The following TRAPPC9 variants were observed in gnomAD, a reference collection of about 807,000 sequenced individuals.
TRAPPC9 encodes IKK2 binding protein.
A neutral mutation model predicts 124.0 loss-of-function variants in TRAPPC9; 83 were observed. The observed-to-expected ratio is 0.67, with a 90% CI of 0.56 to 0.80. The LOEUF (loss-of-function observed/expected upper bound fraction) is 0.80, where lower values mean the gene tolerates loss of function less well. Among genes scored for constraint, TRAPPC9 ranks in the 30% least tolerant of loss-of-function variants. The probability of loss-of-function intolerance (pLI) is 0.00; values close to 1 mark genes in which losing one functional copy is unlikely to be tolerated. For missense variants in TRAPPC9, 1,302 were observed against 1,508.3 expected, an observed-to-expected ratio of 0.86 and a Z score of 2.27; for synonymous variants, 638 against 617.5, an observed-to-expected ratio of 1.03 and a Z score of -0.49.
intron 17 of TRAPPC9, among the ~76,000 whole-genome samples, chr8:140,143,217 A>T (rs547463738): frequency 6.6e-6 from 1 of 152,376 alleles, no homozygotes; most frequent in East Asian, 1.9e-4. Flanking sequence ...GTGTACAGGC[A>T]TCCATCAATC....
At chr8:139,737,540 G>C (rs1818281793) in intron 21 of TRAPPC9, among the ~76,000 whole-genome samples, 1 of 133,282 alleles carries the variant, frequency 7.5e-6, no homozygotes, top group African/African-American at 2.9e-5. Flanking sequence ...ACTGTTCTCT[G>C]GGGCTGGCCC....
chr8:140,278,966 A>ATCTCT (rs1355059389), intron 14 of TRAPPC9, among the ~76,000 whole-genome samples: 1 of 152,100 alleles, frequency 6.6e-6, no homozygotes, highest in Admixed American at 6.5e-5. Flanking sequence ...ATCTCATCTC[A>ATCTCT]TCTGACCCAC....
At chr8:140,220,719 C>T (rs1033725048) in intron 17 of TRAPPC9, among the ~76,000 whole-genome samples, 3 of 152,196 alleles carry the variant, frequency 2.0e-5, no homozygotes, top group Non-Finnish European at 4.4e-5. Flanking sequence ...CTTGGCCAAG[C>T]GATTCTGATG....
intron 21 of TRAPPC9, among the ~76,000 whole-genome samples, chr8:139,835,518 G>A (rs1826276431): frequency 6.6e-6 from 1 of 152,174 alleles, no homozygotes; most frequent in Admixed American, 6.5e-5. Flanking sequence ...ATTCATCTAG[G>A]TATCTATTTT....
chr8:140,023,880 A>AACCT, intron 18 of TRAPPC9, 57 bp downstream of exon 18: 1 of 1,612,644 alleles, frequency 6.2e-7, no homozygotes, highest in Non-Finnish European at 8.5e-7. Flanking sequence ...CAGGATTCTG[A>AACCT]ACGTAGTGCT....
At chr8:140,077,723 G>T (rs1395313630) in intron 17 of TRAPPC9, among the ~76,000 whole-genome samples, 1 of 152,074 alleles carries the variant, frequency 6.6e-6, no homozygotes, top group Non-Finnish European at 1.5e-5. Flanking sequence ...GGCGGCAGCT[G>T]GGCCAGGCCC....
At chr8:140,102,346 T>G (rs2060595184) in intron 17 of TRAPPC9, among the ~76,000 whole-genome samples, 1 of 152,184 alleles carries the variant, frequency 6.6e-6, no homozygotes, top group Admixed American at 6.5e-5. Context: ...TCATGTGAAT[T>G]TAATGGAAAA....
chr8:139,732,134 G>C lies in TRAPPC9; in HGVS notation c.3124C>G (p.Arg1042Gly), dbSNP rs371009587. 6 of 1,605,100 alleles carry C rather than the reference G, an allele frequency of 3.7e-6. No homozygotes were observed. In the African/African-American group the frequency reaches 8.0e-5, roughly 21 times the overall value. ...CGGTTGGTCAGCCGCACCTCCAGGC[G>C]CACGGGGTCGCCCACCTGGCAGGCC... The part of the protein sequence containing the change: ...VAACQVGDPV[R>G]LEVRLTNRSP... Residue 1042 changes from arginine to glycine, a missense_variant, in exon 22 of 23, where the codon CGC becomes GGC. By Grantham distance (125) the Arg-to-Gly change is moderately radical. Transcript: ENST00000438773.
intron 7 of TRAPPC9, among the ~76,000 whole-genome samples, chr8:140,376,485 G>A (rs764236816): frequency 6.8e-6 from 1 of 147,232 alleles, no homozygotes; most frequent in African/African-American, 2.5e-5. Context: ...GAACTTGGGA[G>A]ACGGAACTTG....
chr8:140,126,955 A>G (rs1325578151), intron 17 of TRAPPC9, among the ~76,000 whole-genome samples: 1 of 152,142 alleles, frequency 6.6e-6, no homozygotes, highest in Non-Finnish European at 1.5e-5. Context: ...CCTTTCCCAG[A>G]TGGGGCTGGG....
chr8:139,914,888 C>CACA (rs1367564427), intron 19 of TRAPPC9: 8 of 152,232 alleles, frequency 5.3e-5, no homozygotes, highest in Non-Finnish European at 1.0e-4. Flanking sequence ...TAAGCTTAAA[C>CACA]ACACAGGTGA....
chr8:140,252,617 A>G lies in TRAPPC9; in HGVS notation c.2431+160T>C. ...TTATTACTTTCAGACACATACAGTA[A>G]CACACTCTGTTAACAAAGTGCCCAG... On this transcript the variant is annotated intron_variant, in intron 16 of 22. Transcript: ENST00000438773. This position sits in a 1 kb window ranked among gnomAD's most constrained non-coding sequence, Gnocchi z 4.2. 4.1e-6 allele frequency: 3 copies of G among 735,688 alleles called. No homozygotes were observed. Among genetic ancestry groups the G allele is most frequent in the South Asian group, 3.1e-5 (2 of 64,142 alleles). 45.6% of individuals were successfully genotyped at this position (735,688 alleles called of 1,614,324 possible).
intron 17 of TRAPPC9, among the ~76,000 whole-genome samples, chr8:140,084,638 C>T (rs934275953): frequency 6.6e-6 from 1 of 152,248 alleles, no homozygotes; most frequent in African/African-American, 2.4e-5. Context: ...GACAAGGCTG[C>T]TGACTGACAG....
intron 6 of TRAPPC9, among the ~76,000 whole-genome samples, chr8:140,400,253 T>A (rs1331571935): frequency 6.6e-6 from 1 of 152,228 alleles, no homozygotes; most frequent in African/African-American, 2.4e-5. Flanking sequence ...AGAAAGTCTA[T>A]CCTTTATGGA....
chr8:140,089,278 G>A (rs6988625), intron 17 of TRAPPC9, among the ~76,000 whole-genome samples: 25,253 of 151,916 alleles, frequency 0.17, 2,305 homozygotes, highest in African/African-American at 0.26. Context: ...CTATCCGCAC[G>A]AATGTCTCTA....
intron 10 of TRAPPC9, 46 bp from the exon 11 acceptor site, chr8:140,300,660 G>A (rs377694380): frequency 2.0e-5 from 32 of 1,611,982 alleles, no homozygotes; most frequent in African/African-American, 1.2e-4. Context: ...TCTGGTTAGC[G>A]TGGTTTCAGG....
At chr8:140,324,971 T>C (rs1225927166) in intron 9 of TRAPPC9, among the ~76,000 whole-genome samples, 1 of 149,714 alleles carries the variant, frequency 6.7e-6, no homozygotes, top group African/African-American at 2.5e-5. Context: ...ATAAAACACA[T>C]CTCAATACAT....
chr8:140,000,933 G>T (rs951482860), intron 18 of TRAPPC9, among the ~76,000 whole-genome samples: 1 of 152,122 alleles, frequency 6.6e-6, no homozygotes, highest in Non-Finnish European at 1.5e-5. Context: ...ACATGCACAC[G>T]TATGTTTACT....
chr8:139,769,056 TCCACAA>T (rs1216713517), intron 21 of TRAPPC9, among the ~76,000 whole-genome samples: 6 of 152,188 alleles, frequency 3.9e-5, no homozygotes, highest in Admixed American at 6.6e-5. Flanking sequence ...ATTTCGAGAC[TCCACAA>T]CTGTCAGAAA....
Sources: allele counts gnomAD v4.1 joint callset (sites outside exome capture counted in the v4.1 genomes callset), GRCh38; gene constraint gnomAD v4.1.1; non-coding constraint Gnocchi (gnomAD v3.1); transcripts MANE v1.5; gene names NCBI Gene and HGNC (gene_info 2026-07-23, HGNC 2026-07-21).